ROS1: variants seen among roughly 807,000 people sequenced by gnomAD.
The protein encoded by ROS1 is proto-oncogene tyrosine-protein kinase ROS.
ROS1 carries 263 observed loss-of-function variants against 273.5 expected under a neutral mutation model. The ratio of observed to expected loss-of-function variants is 0.96; its 90% CI spans 0.87 to 1.06. The LOEUF is 1.06. Ranked by LOEUF, ROS1 falls within the 50% of genes least tolerant of loss-of-function variation. ROS1 has a pLI of 0.00. For missense variants in ROS1, 2,833 were observed against 2,751.1 expected (o/e 1.03, Z -0.67); for synonymous variants, 1,008 against 954.1 (o/e 1.06, Z -1.04).
Position 117,393,468 on chromosome 6 carries a change from T to A in ROS1, c.1192-147A>T, listed in dbSNP as rs929295279. 38 of 597,528 alleles carry A rather than the reference T, an allele frequency of 6.4e-5. No individual in the cohort carries two copies. In the Admixed American group the frequency reaches 9.5e-4, roughly 15 times the overall value. The allele number at this position is 597,528 out of a possible 1,614,324, so 37.0% of individuals were successfully genotyped here. On this transcript the variant is annotated intron_variant, in intron 11 of 43. Coordinates refer to ENST00000368507, the MANE Select transcript of ROS1 (RefSeq NM_001378902.1). ...AGACAAATGAGCAAAAAAAAGCCCTTAAACGACAGTTTTATATCCTATATC... is the reference window on the plus strand; with the variant it reads ...AGACAAATGAGCAAAAAAAAGCCCTAAAACGACAGTTTTATATCCTATATC...
chr6:117,424,987 G>A (rs1776033090), intron 1 of ROS1, among the ~76,000 whole-genome samples: 1 of 152,056 alleles, frequency 6.6e-6, no homozygotes, highest in East Asian at 1.9e-4. Flanking sequence ...ATGACACCCA[G>A]AAATGAGAAT....
intron 11 of ROS1, among the ~76,000 whole-genome samples, chr6:117,393,854 C>A (rs1773273385): frequency 6.6e-6 from 1 of 152,158 alleles, no homozygotes; most frequent in African/African-American, 2.4e-5. Context: ...TCATGACTGG[C>A]AGTCTTACCT....
In ROS1 at chr6:117,389,731, T is replaced by C. The variant is rs1446220228; in HGVS notation, c.1405A>G (p.Ile469Val). 2 of 1,614,138 alleles carry C rather than the reference T, an allele frequency of 1.2e-6. No homozygotes were observed. The highest frequency in any genetic ancestry group is 4.5e-5 in the East Asian group (2 of 44,882). The change falls in exon 13 of 44, where the codon ATC (isoleucine) becomes GTC (valine). Residue 469 changes from isoleucine (I) to valine (V), a missense_variant. Ile to Val is a conservative substitution (Grantham distance 29, BLOSUM62 3). Transcript: ENST00000368507. ...ATGATTCGCTTGGCTTGTGGCTTGA[T>C]TGCAAAGTCCTTTAACGTGCAACTC... is the stretch of plus-strand genomic sequence containing the variant. ...VESCTLKDFAIKPQAKRIIYF... is the reference protein window; with the variant it reads ...VESCTLKDFAVKPQAKRIIYF...
chr6:117,321,063 AT>A (rs1187207427), intron 36 of ROS1, among the ~76,000 whole-genome samples, 195 bp downstream of exon 36: 1 of 152,090 alleles, frequency 6.6e-6, no homozygotes, highest in Non-Finnish European at 1.5e-5. Context: ...ATTTTTCTGT[AT>A]TTTTCTTAAA....
chr6:117,365,100 C>T lies in ROS1; in HGVS notation c.3063G>A (p.Lys1021=), dbSNP rs775413687. The change falls in exon 21 of 44, where the codon AAG becomes AAA. Residue 1021 remains lysine, a synonymous_variant. Coordinates refer to ENST00000368507, the MANE Select transcript of ROS1 (RefSeq NM_001378902.1). ...LSVTPYTYWG[K]GPKTSLSLRA... is the part of the protein sequence containing the mutation. ...GAAGTGACAGAGATGTTTTGGGGCC[C>T]TTTCCCCAGTAGGTATAAGGAGTGA... The T allele has an allele frequency of 1.2e-6, 2 of 1,613,848 alleles. No individual in the cohort carries two copies. Among genetic ancestry groups the T allele is most frequent in the Non-Finnish European group, 8.5e-7 (1 of 1,179,848 alleles).
intron 12 of ROS1, among the ~76,000 whole-genome samples, chr6:117,391,052 C>T (rs1773027120): frequency 6.6e-6 from 1 of 152,190 alleles, no homozygotes; most frequent in Admixed American, 6.5e-5. Context: ...AACCTCTCAT[C>T]AAAACTGTCA....
At position 117,386,145 on chromosome 6, in the gene ROS1, G is replaced by A. The variant is rs552551195; in HGVS notation, c.2111-284C>T. On this transcript the variant is annotated intron_variant, in intron 15 of 43. Coordinates refer to ENST00000368507, the MANE Select transcript of ROS1 (RefSeq NM_001378902.1). ...TTCCTAAAACAAAATTATGAAGTAGGAATTATTCTCATTTTTGAGATGGTA... is the reference window on the plus strand; with the variant it reads ...TTCCTAAAACAAAATTATGAAGTAGAAATTATTCTCATTTTTGAGATGGTA... Among the ~76,000 whole-genome samples, 370 of 152,302 alleles carry A rather than the reference G, an allele frequency of 2.4e-3. 2 individuals carry two copies. The highest frequency in any genetic ancestry group is 8.7e-3 in the African/African-American group (360 of 41,568).
Position 117,389,335 on chromosome 6 carries a change from G to A in ROS1, c.1786+15C>T, listed in dbSNP as rs1772852557. 1.9e-6 allele frequency: 3 copies of A among 1,604,502 alleles called. No homozygotes were observed. The highest frequency in any genetic ancestry group is 2.6e-6 in the Non-Finnish European group (3 of 1,175,448). On this transcript the variant is annotated intron_variant, in intron 13 of 43. Coordinates refer to ENST00000368507, the MANE Select transcript of ROS1 (RefSeq NM_001378902.1). Reference sequence around the variant, plus strand: ...CCAGCAAGGCCAGTAACCACACTGGGGACAGAGCACTCACTGGCTCCTATG... The same window carrying A: ...CCAGCAAGGCCAGTAACCACACTGGAGACAGAGCACTCACTGGCTCCTATG...
At chr6:117,330,512 C>G (rs72497706) in intron 32 of ROS1, among the ~76,000 whole-genome samples, 3,413 of 152,324 alleles carry the variant, frequency 0.022, 52 homozygotes, top group Middle Eastern at 0.048. Context: ...TGCCACCCAA[C>G]TGGGTGAGAC....
intron 20 of ROS1, 60 bp from the exon 21 acceptor site, chr6:117,365,264 C>T: frequency 6.8e-7 from 1 of 1,470,786 alleles, no homozygotes; most frequent in South Asian, 1.3e-5. Flanking sequence ...TCTTTCATTC[C>T]TTATTATCTA....
intron 20 of ROS1, 65 bp downstream of exon 20, chr6:117,365,516 G>A: frequency 7.3e-7 from 1 of 1,378,586 alleles, no homozygotes; most frequent in Admixed American, 1.7e-5. Context: ...GGTCAGTGTG[G>A]GCAAGGCTGA....
At position 117,288,409 on chromosome 6, in the gene ROS1, A is replaced by G. The variant is rs1278841779; in HGVS notation, c.*83T>C. The G allele has an allele frequency of 4.1e-5, 49 of 1,186,914 alleles. No individual in the cohort carries two copies. Among genetic ancestry groups the G allele is most frequent in the South Asian group, 1.5e-5 (1 of 67,596 alleles). 73.5% of individuals were successfully genotyped at this position (1,186,914 alleles called of 1,614,324 possible). On this transcript the variant is annotated 3_prime_UTR_variant, in exon 44 of 44. Coordinates refer to ENST00000368507, the MANE Select transcript of ROS1 (RefSeq NM_001378902.1). ...ATTTGGAGTTATAGACCACCATGAC[A>G]TTTATCATTCTAGCAGAGTTTTCTT... is the stretch of plus-strand genomic sequence containing the variant.
chr6:117,411,172 G>A (rs567698856), intron 4 of ROS1, among the ~76,000 whole-genome samples: 3 of 151,926 alleles, frequency 2.0e-5, no homozygotes, highest in Non-Finnish European at 4.4e-5. Context: ...GAGTTTAAAA[G>A]TTATCTCAAG....
At chr6:117,361,906 A>G (rs1779832285) in intron 22 of ROS1, among the ~76,000 whole-genome samples, 1 of 152,088 alleles carries the variant, frequency 6.6e-6, no homozygotes, top group African/African-American at 2.4e-5. Context: ...CTTTTTCTTT[A>G]TAGTATGAGG....
rs148921691 is a variant in ROS1 at position 117,413,429 on chromosome 6, C to T, written c.255+1090G>A. Among the ~76,000 whole-genome samples, 945 of 152,224 alleles carry T rather than the reference C, an allele frequency of 6.2e-3. 8 individuals are homozygous for T. The highest frequency in any genetic ancestry group is 0.021 in the African/African-American group (870 of 41,530). On this transcript the variant is annotated intron_variant, in intron 4 of 43. Coordinates refer to ENST00000368507, the MANE Select transcript of ROS1 (RefSeq NM_001378902.1). ...GGTTTTAAACTGATAAATAATGTAG[C>T]TTCTTCATATCATCTATTGTCAAAT...
Position 117,326,275 on chromosome 6 carries a change from G to C in ROS1, c.5488C>G (p.Leu1830Val), listed in dbSNP as rs2128581755. 6.3e-7 allele frequency: 1 copy of C among 1,599,144 alleles called. No homozygotes were observed. The highest frequency in any genetic ancestry group is 8.5e-7 in the Non-Finnish European group (1 of 1,175,442). Residue 1830 changes from leucine to valine, a missense_variant, in exon 34 of 44, where the codon CTA becomes GTA. By Grantham distance (32) the Leu-to-Val change is conservative. Coordinates refer to ENST00000368507, the MANE Select transcript of ROS1 (RefSeq NM_001378902.1). ...ATTCCACTATATTCACCAAACCCTAGATTATTTGCAGCTACTACTCTGAAC... is the reference window on the plus strand; with the variant it reads ...ATTCCACTATATTCACCAAACCCTACATTATTTGCAGCTACTACTCTGAAC... ...FQFRVVAANNLGFGEYSGISE... is the reference protein window; with the variant it reads ...FQFRVVAANNVGFGEYSGISE...
intron 12 of ROS1, among the ~76,000 whole-genome samples, chr6:117,390,754 A>C (rs891629812): frequency 6.6e-6 from 1 of 152,236 alleles, no homozygotes; most frequent in Admixed American, 6.5e-5. Flanking sequence ...TGACTGAAGC[A>C]GGAAAATCCA....
In ROS1 at chr6:117,379,230, C is replaced by G. The variant is rs573093689; in HGVS notation, c.2482-71G>C. 3.4e-6 allele frequency: 3 copies of G among 873,892 alleles called. No homozygotes were observed. In the South Asian group the frequency reaches 4.6e-5, roughly 13 times the overall value. 54.1% of individuals were successfully genotyped at this position (873,892 alleles called of 1,614,324 possible). A position where few individuals can be genotyped will look rare whatever the true frequency, so the allele number is the denominator to read the frequency against. On this transcript the variant is annotated intron_variant, in intron 17 of 43. Transcript: ENST00000368507. ...AGCATAACTTTGTGAACAGGTCACA[C>G]TTAAGCTATAGATTTCTCTTTAACA...
At chr6:117,377,300 G>A (rs941635180) in intron 18 of ROS1, among the ~76,000 whole-genome samples, 6 of 151,918 alleles carry the variant, frequency 3.9e-5, no homozygotes, top group African/African-American at 1.2e-4. Flanking sequence ...TAGTAGAGAC[G>A]GAGTTTCACC....
Sources: gnomAD v4.1 joint callset for allele counts (sites outside exome capture counted in the v4.1 genomes callset) on GRCh38, gnomAD v4.1.1 for gene constraint, MANE v1.5 for transcripts, NCBI Gene and HGNC (gene_info 2026-07-23, HGNC 2026-07-21) for gene names.